Variants in UQCRC2 observed in about 807,000 individuals in gnomAD.
The protein encoded by UQCRC2 is ubiquinol-cytochrome c reductase core protein 2.
A neutral mutation model predicts 55.6 loss-of-function variants in UQCRC2; 49 were observed. That is an observed-to-expected ratio of 0.88 (90% CI 0.70 to 1.12). UQCRC2 has a LOEUF of 1.12. Among genes scored for constraint, UQCRC2 ranks in the 50% most tolerant of loss-of-function variants. The pLI is 0.00. For missense variants in UQCRC2, 506 were observed against 547.8 expected (o/e 0.92, Z 0.76); for synonymous variants, 193 against 192.0 (o/e 1.01, Z -0.04).
At chr16:21,958,834 G>C (rs1213370745) in intron 4 of UQCRC2, among the ~76,000 whole-genome samples, 2 of 152,144 alleles carry the variant, frequency 1.3e-5, no homozygotes, top group Non-Finnish European at 2.9e-5. Context: ...AGATGTTGCA[G>C]GTTCTGTTCC....
chr16:21,958,260 ACT>A (rs949445387), intron 3 of UQCRC2, among the ~76,000 whole-genome samples: 6 of 152,136 alleles, frequency 3.9e-5, no homozygotes, highest in African/African-American at 9.7e-5. Context: ...AAGAAAATTA[ACT>A]CTTTTTTTCC....
intron 7 of UQCRC2, 110 bp downstream of exon 7, chr16:21,965,615 T>C: frequency 1.1e-6 from 1 of 901,998 alleles, no homozygotes; most frequent in South Asian, 2.3e-5. Flanking sequence ...CTTTAAGAAA[T>C]TCAGCGTGCT....
chr16:21,962,334 T>G, intron 4 of UQCRC2, 126 bp from the exon 5 acceptor site: 1 of 1,115,460 alleles, frequency 9.0e-7, no homozygotes, highest in Non-Finnish European at 1.3e-6. Flanking sequence ...AGTTTTGTTA[T>G]ATTATTGTTC....
intron 8 of UQCRC2, among the ~76,000 whole-genome samples, chr16:21,971,251 A>T (rs2141940805): frequency 6.6e-6 from 1 of 152,338 alleles, no homozygotes; most frequent in East Asian, 1.9e-4. Context: ...AAACAATATC[A>T]ATAGAATGAT....
intron 1 of UQCRC2, among the ~76,000 whole-genome samples, chr16:21,955,789 T>C (rs367989494): frequency 3.9e-5 from 6 of 152,098 alleles, no homozygotes; most frequent in East Asian, 1.9e-4. Context: ...ATGGAAAATA[T>C]TGAGGGCTTG....
In UQCRC2 at chr16:21,972,053, CAA is replaced by C. The variant is rs1273522667; in HGVS notation, c.898_899del (p.Lys300GlufsTer22). On this transcript the variant is annotated frameshift_variant, in exon 10 of 14. Transcript: ENST00000268379. LOFTEE classifies it high-confidence loss of function. The stretch of plus-strand genomic sequence containing the variant: ...ATGTCCTCGGTGCTGGGCCACATGT[CAA>C]GAGGGGCAGCAACACCACCAGCCAT... ...QHVLGAGPHV[K>X]RGSNTTSHLH... is the part of the protein sequence containing the mutation. 2 of 1,614,114 alleles carry C rather than the reference CAA, an allele frequency of 1.2e-6. No individual in the cohort carries two copies. The highest frequency in any genetic ancestry group is 2.2e-5 in the South Asian group (2 of 91,078).
At chr16:21,968,372 G>C in intron 7 of UQCRC2, 1 of 295,482 alleles carries the variant, frequency 3.4e-6, no homozygotes, top group African/African-American at 2.2e-5. Flanking sequence ...CCTATTTAAA[G>C]TGTACACAAT....
intron 12 of UQCRC2, among the ~76,000 whole-genome samples, chr16:21,979,470 C>G (rs1351408578): frequency 6.6e-6 from 1 of 152,124 alleles, no homozygotes; most frequent in Admixed American, 6.5e-5. Flanking sequence ...CACATGGGCT[C>G]TATGGTATAG....
chr16:21,979,592 G>A (rs1201015088), intron 12 of UQCRC2, among the ~76,000 whole-genome samples: 1 of 152,134 alleles, frequency 6.6e-6, no homozygotes, highest in Non-Finnish European at 1.5e-5. Flanking sequence ...GAAAGGTACA[G>A]TAAAAATACA....
chr16:21,960,948 C>T (rs9937162), intron 4 of UQCRC2, among the ~76,000 whole-genome samples: 4,535 of 152,062 alleles, frequency 0.03, 235 homozygotes, highest in African/African-American at 0.1. Context: ...CTTCTCCCTC[C>T]GCTTCCCAAG....
intron 4 of UQCRC2, among the ~76,000 whole-genome samples, chr16:21,961,031 A>T (rs753154894): frequency 1.3e-5 from 2 of 152,008 alleles, no homozygotes; most frequent in Non-Finnish European, 2.9e-5. Context: ...AGGTCTCACT[A>T]TGTTGCCCAG....
Position 21,957,562 on chromosome 16 carries a change from G to T in UQCRC2, c.263G>T (p.Ser88Ile). The T allele has an allele frequency of 6.2e-7, 1 of 1,613,978 alleles. No individual in the cohort carries two copies. Among genetic ancestry groups the T allele is most frequent in the South Asian group, 1.1e-5 (1 of 91,032 alleles). ...ACCCATTTGCTGCGTCTTACATCCA[G>T]TCTGGTGAGTATCTTCACTTCCTCA... ...GTTHLLRLTS[S>I]LTTKGASSFK... The change falls in exon 3 of 14, where the codon AGT becomes ATT. Residue 88 changes from serine (S) to isoleucine (I), a missense_variant. Physicochemically the swap from Ser to Ile is moderately radical, Grantham distance 142 (BLOSUM62 -2). Transcript: ENST00000268379.
intron 7 of UQCRC2, among the ~76,000 whole-genome samples, chr16:21,965,875 GGTCTTGCT>G (rs1411338354): frequency 6.6e-6 from 1 of 151,972 alleles, no homozygotes; most frequent in African/African-American, 2.4e-5. Context: ...TTAAATACGG[GGTCTTGCT>G]GTGTTGCCTA....
intron 8 of UQCRC2, among the ~76,000 whole-genome samples, chr16:21,970,332 T>G (rs1191054929): frequency 6.6e-6 from 1 of 152,228 alleles, no homozygotes; most frequent in African/African-American, 2.4e-5. Context: ...CCAGGACATA[T>G]GGTAACTCTG....
At chr16:21,958,887 A>G (rs1898137981) in intron 4 of UQCRC2, among the ~76,000 whole-genome samples, 1 of 152,218 alleles carries the variant, frequency 6.6e-6, no homozygotes, top group Non-Finnish European at 1.5e-5. Context: ...AGCAAGTCAT[A>G]GGAATTTTGT....
intron 5 of UQCRC2, 70 bp downstream of exon 5, chr16:21,962,586 T>G (rs1231154702): frequency 1.2e-6 from 2 of 1,605,754 alleles, no homozygotes; most frequent in African/African-American, 1.3e-5. Flanking sequence ...CTGGTCTTTG[T>G]AATGCGTCAT....
intron 4 of UQCRC2, chr16:21,962,192 G>C: frequency 2.3e-6 from 1 of 428,778 alleles, no homozygotes; most frequent in East Asian, 3.9e-5. Context: ...TTTGTGACTG[G>C]CTTATTATCC....
rs765944338 is a variant in UQCRC2 at position 21,962,812 on chromosome 16, T to C, written c.441T>C (p.Arg147=). 6.2e-7 allele frequency: 1 copy of C among 1,614,156 alleles called. No homozygotes were observed. The highest frequency in any genetic ancestry group is 8.5e-7 in the Non-Finnish European group (1 of 1,180,034). ...ATGTCACCACAGCACCAGAATTTCG[T>C]CGTTGGGAAGTAGCTGACCTTCAGC... ...LLNVTTAPEF[R]RWEVADLQPQ... The change falls in exon 6 of 14, where the codon CGT becomes CGC. Residue 147 remains arginine, a synonymous_variant. Transcript: ENST00000268379.
At chr16:21,963,424 T>G (rs1898251257) in intron 6 of UQCRC2, among the ~76,000 whole-genome samples, 1 of 152,156 alleles carries the variant, frequency 6.6e-6, no homozygotes, top group South Asian at 2.1e-4. Context: ...GTTTGTAAGA[T>G]CCTAGAAGTT....
Sources: allele counts gnomAD v4.1 joint callset (sites outside exome capture counted in the v4.1 genomes callset), GRCh38; gene constraint gnomAD v4.1.1; transcripts MANE v1.5; gene names NCBI Gene and HGNC (gene_info 2026-07-23, HGNC 2026-07-21).